Variants in CHL1 observed in about 807,000 individuals in gnomAD.
CHL1 encodes cell adhesion molecule L1 like.
Under a neutral mutation model 141.9 loss-of-function variants are expected in CHL1, and 96 were observed. The observed-to-expected ratio is 0.68, with a 90% CI of 0.57 to 0.80. The LOEUF (loss-of-function observed/expected upper bound fraction) is 0.80. Ranked by LOEUF, CHL1 falls within the 30% of genes least tolerant of loss-of-function variation. CHL1 has a pLI of 0.00. For missense variants in CHL1, 1,820 were observed against 1,457.2 expected (o/e 1.25, Z -4.05); for synonymous variants, 613 against 502.2 (o/e 1.22, Z -2.95).
chr3:364,163 TC>T (rs1226951918), intron 14 of CHL1: 1 of 152,222 alleles, frequency 6.6e-6, no homozygotes, highest in East Asian at 1.9e-4. Flanking sequence ...CCTTCTTTTT[TC>T]ATCCTGTTTT....
chr3:350,094 T>C (rs1703116361), intron 10 of CHL1, among the ~76,000 whole-genome samples: 1 of 152,200 alleles, frequency 6.6e-6, no homozygotes, highest in Admixed American at 6.5e-5. Context: ...ATTCAGTATG[T>C]TACTTACAGG....
intron 9 of CHL1, among the ~76,000 whole-genome samples, chr3:346,645 A>G (rs1031308253): frequency 6.6e-6 from 1 of 152,168 alleles, no homozygotes; most frequent in African/African-American, 2.4e-5. Context: ...GAGGACATGA[A>G]AATTCTTGAT....
intron 15 of CHL1, chr3:376,424 C>A (rs369920114): frequency 3.9e-6 from 2 of 516,304 alleles, no homozygotes; most frequent in Non-Finnish European, 7.7e-6. Flanking sequence ...TTAATAAGTT[C>A]TTTAGGTATA....
At chr3:240,871 T>C (rs1692492639) in intron 1 of CHL1, among the ~76,000 whole-genome samples, 3 of 152,168 alleles carry the variant, frequency 2.0e-5, no homozygotes, top group African/African-American at 7.2e-5. Context: ...CCCCACTTTA[T>C]GTTTTTGTTT....
At chr3:404,565 A>T (rs956606364) in intron 27 of CHL1, among the ~76,000 whole-genome samples, 1 of 152,200 alleles carries the variant, frequency 6.6e-6, no homozygotes, top group African/African-American at 2.4e-5. Flanking sequence ...TAAATATAGT[A>T]TACTTATTTA....
chr3:313,075 T>C (rs935446659), intron 2 of CHL1, among the ~76,000 whole-genome samples: 4 of 152,142 alleles, frequency 2.6e-5, no homozygotes, highest in African/African-American at 4.8e-5. Context: ...TGCTTTTTTT[T>C]CCCTTCTTTT....
intron 14 of CHL1, chr3:363,584 A>T (rs568925441): frequency 3.7e-5 from 17 of 462,890 alleles, no homozygotes; most frequent in Middle Eastern, 5.7e-4. Flanking sequence ...GCACAGCTTC[A>T]TCCTATTTTA....
At chr3:230,502 C>CTT (rs551069917) in intron 1 of CHL1, among the ~76,000 whole-genome samples, 1 of 145,478 alleles carries the variant, frequency 6.9e-6, no homozygotes, top group South Asian at 2.2e-4. Context: ...AAGTATAAAC[C>CTT]TTTTTTTTTT....
Position 197,132 on chromosome 3 carries a change from G to A in CHL1, c.-175+69G>A, listed in dbSNP as rs190713289. 530 of 152,550 alleles carry A rather than the reference G, an allele frequency of 3.5e-3. 5 individuals are homozygous for A. Among genetic ancestry groups the A allele is most frequent in the South Asian group, 0.018 (86 of 4,834 alleles). 9.4% of individuals were successfully genotyped at this position (152,550 alleles called of 1,614,324 possible). A position where few individuals can be genotyped will look rare whatever the true frequency, so the allele number is the denominator to read the frequency against. On this transcript the variant is annotated intron_variant, in intron 1 of 27. Transcript: ENST00000256509. The stretch of plus-strand genomic sequence containing the variant: ...CTGGGGGGGTCTCCCGTGGAGGAAG[G>A]GCTGAAGGTGCTCCGGGAGGGGTCC...
intron 2 of CHL1, among the ~76,000 whole-genome samples, chr3:313,048 G>C (rs776328947): frequency 1.8e-4 from 28 of 152,138 alleles, no homozygotes; most frequent in Non-Finnish European, 3.4e-4. Context: ...TTAGTGAAGA[G>C]GAATGTCAAC....
intron 1 of CHL1, chr3:197,535 C>A: frequency 3.8e-6 from 1 of 263,364 alleles, no homozygotes; most frequent in Non-Finnish European, 7.8e-6. Flanking sequence ...GCCCCTCGCT[C>A]CCCTGGACAC....
chr3:378,880 C>T (rs74340591), intron 16 of CHL1, among the ~76,000 whole-genome samples: 4,433 of 152,234 alleles, frequency 0.029, 212 homozygotes, highest in African/African-American at 0.1. Flanking sequence ...TTTTTAAAGA[C>T]GTTTTATTAA....
intron 1 of CHL1, among the ~76,000 whole-genome samples, chr3:242,378 C>G (rs9870975): frequency 1.4e-5 from 2 of 140,834 alleles, no homozygotes; most frequent in Admixed American, 7.2e-5. Flanking sequence ...GGGCAGATCA[C>G]GAGGTCAGGA....
At chr3:291,782 C>T (rs918435727) in intron 2 of CHL1, among the ~76,000 whole-genome samples, 1 of 152,128 alleles carries the variant, frequency 6.6e-6, no homozygotes, top group Non-Finnish European at 1.5e-5. Flanking sequence ...TGATTGTCAG[C>T]AGATGTAATG....
chr3:397,556 A>G (rs1708780286), intron 24 of CHL1, among the ~76,000 whole-genome samples: 1 of 152,144 alleles, frequency 6.6e-6, no homozygotes, highest in Non-Finnish European at 1.5e-5. Context: ...TGGTGGTAAG[A>G]CAAGAAGTTA....
chr3:305,621 T>A (rs938690533), intron 2 of CHL1, among the ~76,000 whole-genome samples: 4 of 151,578 alleles, frequency 2.6e-5, no homozygotes, highest in Non-Finnish European at 4.4e-5. Context: ...ACTTGCTTTT[T>A]TCACTTAACA....
At chr3:247,864 G>C (rs373539810) in intron 2 of CHL1, 12 of 152,050 alleles carry the variant, frequency 7.9e-5, no homozygotes, top group African/African-American at 2.7e-4. Flanking sequence ...AATAATCGAA[G>C]TTGTATGCTC....
rs1328435951 is a variant in CHL1, at chr3:237,747, A to C, written c.-174-6866A>C. Among the ~76,000 whole-genome samples, 3 of 152,246 alleles carry C rather than the reference A, an allele frequency of 2.0e-5. No homozygotes were observed. The East Asian group carries it at 5.8e-4, about 29-fold the overall frequency. ...AGGTACTTGTATTACGTGAGATTAT[A>C]CTAAATTATTAAATATGACATCTGA... On this transcript the variant is annotated intron_variant, in intron 1 of 27. Transcript: ENST00000256509.
chr3:399,166 T>C lies in CHL1; in HGVS notation c.3385+18T>C. ...GTACTCAGGTAAAATTGTTTCTTAA[T>C]GTGATTTTCAACTTATTAAAAAGCA... On this transcript the variant is annotated intron_variant, in intron 26 of 27. Transcript: ENST00000256509. The C allele has an allele frequency of 6.3e-7, 1 of 1,596,750 alleles. No homozygotes were observed. The highest frequency in any genetic ancestry group is 1.3e-5 in the African/African-American group (1 of 74,690).
Sources: gnomAD v4.1 joint callset for allele counts (sites outside exome capture counted in the v4.1 genomes callset) on GRCh38, gnomAD v4.1.1 for gene constraint, MANE v1.5 for transcripts, NCBI Gene and HGNC (gene_info 2026-07-23, HGNC 2026-07-21) for gene names.